FCRL1: variants seen among roughly 807,000 people sequenced by gnomAD.
FCRL1 encodes the protein Fc receptor like 1, also known as Fc receptor-like protein 1.
Under a neutral mutation model 49.2 loss-of-function variants are expected in FCRL1, and 34 were observed. The observed-to-expected ratio is 0.69, with a 90% CI of 0.53 to 0.92. FCRL1 has a LOEUF of 0.92. Among genes scored for constraint, FCRL1 ranks in the 40% least tolerant of loss-of-function variants. The pLI is 0.00. For missense variants in FCRL1, 524 were observed against 524.1 expected (o/e 1.00, Z 0.00); for synonymous variants, 218 against 201.6 (o/e 1.08, Z -0.69).
chr1:157,801,880 C>A, intron 5 of FCRL1, 35 bp downstream of exon 5: 1 of 1,579,076 alleles, frequency 6.3e-7, no homozygotes, highest in Non-Finnish European at 8.6e-7. Flanking sequence ...GGGAAGGAGA[C>A]ATTGACCAAG....
chr1:157,803,867 C>G lies in FCRL1; in HGVS notation c.297G>C (p.Arg99Ser). The G allele has an allele frequency of 6.2e-7, 1 of 1,614,176 alleles. No individual in the cohort carries two copies. ...QTMASKVLRSRRSQINVHRVP... is the reference protein window; with the variant it reads ...QTMASKVLRSSRSQINVHRVP... ...CACTGTGCACATTTATCTGGGATCT[C>G]CTGCTCCTCAAGACTTTGGACGCCA... The change falls in exon 3 of 11, where the codon AGG (arginine) becomes AGC (serine). Residue 99 changes from arginine (R) to serine (S), a missense_variant. Transcript: ENST00000368176.
At chr1:157,804,705 G>A (rs1215115521) in intron 2 of FCRL1, among the ~76,000 whole-genome samples, 2 of 152,064 alleles carry the variant, frequency 1.3e-5, no homozygotes, top group East Asian at 1.9e-4. Context: ...TAGAAGAAAT[G>A]GGGTGTATTT....
At chr1:157,817,437 T>G (rs960890503) in intron 1 of FCRL1, among the ~76,000 whole-genome samples, 1 of 152,056 alleles carries the variant, frequency 6.6e-6, no homozygotes, top group African/African-American at 2.4e-5. Context: ...AAGGACAGTG[T>G]CTTCACTAAA....
chr1:157,816,720 T>G (rs1289482982), intron 1 of FCRL1, among the ~76,000 whole-genome samples: 1 of 151,674 alleles, frequency 6.6e-6, no homozygotes, highest in African/African-American at 2.4e-5. Flanking sequence ...AAATTTTATC[T>G]AATAAATGAT....
At chr1:157,799,220 G>A (rs1652030082) in intron 7 of FCRL1, among the ~76,000 whole-genome samples, 1 of 152,038 alleles carries the variant, frequency 6.6e-6, no homozygotes, top group Admixed American at 6.6e-5. Context: ...AAGGTGGTCT[G>A]GACTCCTGAG....
At position 157,797,800 on chromosome 1, in the gene FCRL1, C is replaced by T. The variant is rs1381566179; in HGVS notation, c.1186+68G>A. 5 of 1,612,572 alleles carry T rather than the reference C, an allele frequency of 3.1e-6. 1 individual carries two copies. The highest frequency in any genetic ancestry group is 4.2e-6 in the Non-Finnish European group (5 of 1,179,444). ...GAATGCTGTTGTCTGCCATGCACAG[C>T]CACTGATTGTTCTCTTGGTTCTGGG... is the stretch of plus-strand genomic sequence containing the variant. On this transcript the variant is annotated intron_variant, in intron 9 of 10. Transcript: ENST00000368176.
chr1:157,796,318 C>T (rs751325210), intron 10 of FCRL1, 148 bp from the exon 11 acceptor site: 4 of 672,068 alleles, frequency 6.0e-6, no homozygotes, highest in African/African-American at 1.8e-5. Context: ...GGTCCAAGGC[C>T]AGCATTTTTA....
In FCRL1 at chr1:157,801,937, C is replaced by T. The variant is rs1652547965; in HGVS notation, c.864G>A (p.Glu288=). The change falls in exon 5 of 11, where the codon GAG becomes GAA. Residue 288 remains glutamate (E), a synonymous_variant. Coordinates refer to ENST00000368176, the MANE Select transcript of FCRL1 (RefSeq NM_052938.5). ...TACCTGTGAAGTTGAGTGTCACCGCCTCACTGCGCTGGGCCCCCAGGCCAT... is the reference window on the plus strand; with the variant it reads ...TACCTGTGAAGTTGAGTGTCACCGCTTCACTGCGCTGGGCCCCCAGGCCAT... The part of the protein sequence containing the change: ...ANNGLGAQRS[E]AVTLNFTVPT... 1 of 1,613,804 alleles carries T rather than the reference C, an allele frequency of 6.2e-7. No individual in the cohort carries two copies. Among genetic ancestry groups the T allele is most frequent in the Non-Finnish European group, 8.5e-7 (1 of 1,179,878 alleles).
At chr1:157,810,625 C>T (rs568472693) in intron 1 of FCRL1, among the ~76,000 whole-genome samples, 1 of 152,076 alleles carries the variant, frequency 6.6e-6, no homozygotes, top group East Asian at 1.9e-4. Context: ...TGAAAATGTC[C>T]TGTATTTTGA....
intron 2 of FCRL1, 107 bp downstream of exon 2, chr1:157,806,995 T>C (rs957617373): frequency 4.0e-6 from 5 of 1,257,120 alleles, no homozygotes; most frequent in Non-Finnish European, 5.7e-6. Context: ...CCCTGATATG[T>C]TTTGGGCAGG....
chr1:157,798,796 A>G (rs1338704142), intron 7 of FCRL1, among the ~76,000 whole-genome samples: 2 of 152,228 alleles, frequency 1.3e-5, no homozygotes, highest in Non-Finnish European at 2.9e-5. Flanking sequence ...AACTTCACCA[A>G]TAACTGTTCA....
At chr1:157,816,868 A>G (rs1282228025) in intron 1 of FCRL1, among the ~76,000 whole-genome samples, 6 of 151,964 alleles carry the variant, frequency 3.9e-5, no homozygotes, top group Admixed American at 2.6e-4. Flanking sequence ...CTAATAGTGA[A>G]CTACCTGCAA....
rs1005663850 is a variant in FCRL1, at chr1:157,802,648, A to G, written c.336T>C (p.Asp112=). The G allele has an allele frequency of 5.6e-6, 9 of 1,613,482 alleles. No homozygotes were observed. The highest frequency in any genetic ancestry group is 2.2e-5 in the East Asian group (1 of 44,828). Residue 112 remains aspartate, a synonymous_variant, in exon 4 of 11, where the codon GAT becomes GAC. Coordinates refer to ENST00000368176, the MANE Select transcript of FCRL1 (RefSeq NM_052938.5). ...CTGGGGGCTGAGTCTCCAAGCTCACATCAGCGACAGGGACCCCTGTGTGGA... is the reference window on the plus strand; with the variant it reads ...CTGGGGGCTGAGTCTCCAAGCTCACGTCAGCGACAGGGACCCCTGTGTGGA... The part of the protein sequence containing the change: ...QINVHRVPVA[D]VSLETQPPGG...
At chr1:157,818,025 C>T (rs1655289051) in intron 1 of FCRL1, among the ~76,000 whole-genome samples, 2 of 151,936 alleles carry the variant, frequency 1.3e-5, no homozygotes, top group African/African-American at 2.4e-5. Flanking sequence ...TCAAAGATGT[C>T]GAGAAAAGAG....
At chr1:157,796,999 TG>T in intron 10 of FCRL1, 101 bp downstream of exon 10, 1 of 1,101,772 alleles carries the variant, frequency 9.1e-7, no homozygotes. Context: ...AGGTAGACCA[TG>T]GGATTTTTGC....
rs1008736247 is a variant in FCRL1, at chr1:157,816,699, C to T, written c.31+3308G>A. ...TCTTATATATAGAAAACTCTAAAGA[C>T]CCCACCAACAAAATTTTATCTAATA... On this transcript the variant is annotated intron_variant, in intron 1 of 10. Coordinates refer to ENST00000368176, the MANE Select transcript of FCRL1 (RefSeq NM_052938.5). Among the ~76,000 whole-genome samples the T allele has an allele frequency of 4.0e-5, 6 of 151,636 alleles. No homozygotes were observed. In the East Asian group the frequency reaches 5.8e-4, roughly 15 times the overall value.
At chr1:157,803,336 A>G (rs1571361729) in intron 3 of FCRL1, among the ~76,000 whole-genome samples, 1 of 152,244 alleles carries the variant, frequency 6.6e-6, no homozygotes, top group East Asian at 1.9e-4. Flanking sequence ...ACATGGAATA[A>G]CAAGATGAAT....
At chr1:157,797,720 A>T in intron 9 of FCRL1, 148 bp downstream of exon 9, 2 of 1,554,220 alleles carry the variant, frequency 1.3e-6, no homozygotes, top group Non-Finnish European at 8.7e-7. Flanking sequence ...GTAGCTCCAG[A>T]CCCAAGGACA....
chr1:157,810,863 C>G (rs1037824410), intron 1 of FCRL1, among the ~76,000 whole-genome samples: 1 of 152,130 alleles, frequency 6.6e-6, no homozygotes, highest in Non-Finnish European at 1.5e-5. Context: ...CAGCCTTAAC[C>G]TCCTGGGCTC....
Sources: allele counts gnomAD v4.1 joint callset (sites outside exome capture counted in the v4.1 genomes callset), GRCh38; gene constraint gnomAD v4.1.1; transcripts MANE v1.5; gene names NCBI Gene and HGNC (gene_info 2026-07-23, HGNC 2026-07-21).